Variants in PPP4R3B observed in about 807,000 individuals in gnomAD.
PPP4R3B encodes protein phosphatase 4 regulatory subunit 3B.
PPP4R3B carries 52 observed loss-of-function variants against 95.4 expected under a neutral mutation model. The ratio of observed to expected loss-of-function variants is 0.54; its 90% CI spans 0.44 to 0.69. PPP4R3B has a LOEUF of 0.69. Ranked by LOEUF, PPP4R3B falls within the 30% of genes least tolerant of loss-of-function variation. PPP4R3B has a pLI of 0.00. For synonymous variants in PPP4R3B, 407 were observed against 343.9 expected (o/e 1.18, Z -2.03); for missense variants, 1,003 against 1,005.9 (o/e 1.00, Z 0.04).
At chr2:55,600,951 G>A (rs1692507817) in intron 3 of PPP4R3B, among the ~76,000 whole-genome samples, 2 of 151,994 alleles carry the variant, frequency 1.3e-5, no homozygotes, top group African/African-American at 2.4e-5. Context: ...GAGCTCAGGA[G>A]TTCAAGACCA....
rs1403349605 is a variant in PPP4R3B, at chr2:55,564,456, G to A, written c.2117C>T (p.Ala706Val). The change falls in exon 15 of 17, where the codon GCA (alanine) becomes GTA (valine). Residue 706 changes from alanine (A) to valine (V), a missense_variant. Physicochemically the swap from Ala to Val is moderately conservative, Grantham distance 64 (BLOSUM62 0). Around this residue, in one of 3 missense-constraint regions of PPP4R3B, gnomAD observed 229 missense variants for 194.7 expected, o/e 1.18. Coordinates refer to ENST00000616407, the MANE Select transcript of PPP4R3B (RefSeq NM_001122964.3). ...TTCTTCATCCTCTTCCAAGGCTTTTGCATCTCTGCGAAATCTGTTACTACG... is the reference window on the plus strand; with the variant it reads ...TTCTTCATCCTCTTCCAAGGCTTTTACATCTCTGCGAAATCTGTTACTACG... ...ILRSNRFRRDAKALEEDEEMW... is the reference protein window; with the variant it reads ...ILRSNRFRRDVKALEEDEEMW... The A allele has an allele frequency of 2.5e-6, 4 of 1,612,078 alleles. No homozygotes were observed. Among genetic ancestry groups the A allele is most frequent in the African/African-American group, 2.7e-5 (2 of 74,746 alleles).
intron 16 of PPP4R3B, among the ~76,000 whole-genome samples, chr2:55,555,044 G>A (rs909856709): frequency 6.6e-6 from 1 of 152,154 alleles, no homozygotes; most frequent in African/African-American, 2.4e-5. Context: ...ACTTTGGGAG[G>A]CCGAGGCAGG....
At chr2:55,605,493 G>C (rs1474662091) in intron 2 of PPP4R3B, among the ~76,000 whole-genome samples, 1 of 152,136 alleles carries the variant, frequency 6.6e-6, no homozygotes, top group Non-Finnish European at 1.5e-5. Context: ...CTTATTTTCT[G>C]TGTAATCAGG....
chr2:55,615,935 C>G (rs551889908), intron 1 of PPP4R3B, among the ~76,000 whole-genome samples: 134 of 115,972 alleles, frequency 1.2e-3, no homozygotes, highest in African/African-American at 4.4e-3. Context: ...GTCTTTTTAC[C>G]GAGTTGGACA....
intron 2 of PPP4R3B, among the ~76,000 whole-genome samples, chr2:55,606,445 G>A (rs1693403253): frequency 6.6e-6 from 1 of 151,952 alleles, no homozygotes; most frequent in Non-Finnish European, 1.5e-5. Flanking sequence ...AGCATTTTGG[G>A]AGGCTAAGGC....
intron 2 of PPP4R3B, among the ~76,000 whole-genome samples, chr2:55,612,715 C>T (rs182915007): frequency 2.6e-5 from 4 of 152,044 alleles, no homozygotes; most frequent in African/African-American, 7.2e-5. Context: ...GGGGCCGAGG[C>T]GGGCGGATCA....
At chr2:55,589,302 A>G (rs1018657520) in intron 4 of PPP4R3B, among the ~76,000 whole-genome samples, 4 of 151,858 alleles carry the variant, frequency 2.6e-5, no homozygotes, top group Admixed American at 6.6e-5. Flanking sequence ...CATAATTCAA[A>G]CAAGCCTAAG....
At chr2:55,591,281 C>A (rs1055290196) in intron 4 of PPP4R3B, among the ~76,000 whole-genome samples, 5 of 151,660 alleles carry the variant, frequency 3.3e-5, no homozygotes, top group African/African-American at 1.2e-4. Context: ...AGACTGCGGG[C>A]ACGTGCCACC....
chr2:55,605,023 G>A (rs780023366), intron 2 of PPP4R3B, among the ~76,000 whole-genome samples: 1 of 151,922 alleles, frequency 6.6e-6, no homozygotes, highest in Non-Finnish European at 1.5e-5. Context: ...TAGAGACAGG[G>A]TTTCACCATT....
rs1033475627 is a variant in PPP4R3B at position 55,589,946 on chromosome 2, A to T, written c.922-990T>A. Among the ~76,000 whole-genome samples, 9 of 135,452 alleles carry T rather than the reference A, an allele frequency of 6.6e-5. No individual in the cohort carries two copies. The South Asian group carries it at 1.0e-3, about 15-fold the overall frequency. The allele number at this position is 135,452 out of a possible 152,430, so 88.9% of individuals were successfully genotyped here. On this transcript the variant is annotated intron_variant, in intron 4 of 16. Coordinates refer to ENST00000616407, the MANE Select transcript of PPP4R3B (RefSeq NM_001122964.3). ...AAAAAAAAATTATATATATATAAAA[A>T]ATATATATAATTATATATATATTTA...
At chr2:55,573,880 TTCC>T (rs893248780) in intron 11 of PPP4R3B, 103 bp from the exon 12 acceptor site, 35 of 594,620 alleles carry the variant, frequency 5.9e-5, no homozygotes, top group Middle Eastern at 5.5e-4. Context: ...TAAACTGTAT[TTCC>T]TCCTTTTTTT....
intron 9 of PPP4R3B, among the ~76,000 whole-genome samples, chr2:55,578,860 A>G (rs1279222722): frequency 6.6e-6 from 1 of 152,094 alleles, no homozygotes; most frequent in East Asian, 1.9e-4. Context: ...TATGCCCCAC[A>G]TATTTCTGAT....
chr2:55,598,566 A>G lies in PPP4R3B; in HGVS notation c.771T>C (p.Ser257=), dbSNP rs1262466548. Reference sequence around the variant, plus strand: ...TCTGATGTATTTTTTGCCTTAGTTCAGAGTCTGTTATTGGTATAACTTCCT... The same window carrying G: ...TCTGATGTATTTTTTGCCTTAGTTCGGAGTCTGTTATTGGTATAACTTCCT... ...KFKEVIPITD[S]ELRQKIHQTY... is the part of the protein sequence containing the mutation. Residue 257 remains serine, a synonymous_variant, in exon 4 of 17, where the codon TCT becomes TCC. Transcript: ENST00000616407. 1 of 1,614,098 alleles carries G rather than the reference A, an allele frequency of 6.2e-7. No homozygotes were observed. Among genetic ancestry groups the G allele is most frequent in the African/African-American group, 1.3e-5 (1 of 74,936 alleles).
intron 2 of PPP4R3B, among the ~76,000 whole-genome samples, chr2:55,609,004 A>C (rs889533539): frequency 2.6e-5 from 4 of 152,088 alleles, no homozygotes; most frequent in African/African-American, 9.7e-5. Flanking sequence ...AAAAAATTCC[A>C]AACGAAAAGA....
At chr2:55,559,392 C>G (rs190040191) in intron 15 of PPP4R3B, among the ~76,000 whole-genome samples, 82 of 152,184 alleles carry the variant, frequency 5.4e-4, no homozygotes, top group African/African-American at 1.9e-3. Flanking sequence ...AAATTAATTG[C>G]CTTTGTTTCC....
intron 16 of PPP4R3B, among the ~76,000 whole-genome samples, chr2:55,556,588 G>A (rs1371323488): frequency 1.3e-5 from 2 of 149,890 alleles, no homozygotes; most frequent in African/African-American, 4.9e-5. Context: ...TTGCCTTTTG[G>A]TAATATTTGA....
At chr2:55,579,476 C>T (rs145688736) in intron 9 of PPP4R3B, among the ~76,000 whole-genome samples, 13 of 151,032 alleles carry the variant, frequency 8.6e-5, no homozygotes, top group African/African-American at 2.4e-4. Flanking sequence ...AAATGGCCCC[C>T]GAAAGAATAG....
intron 16 of PPP4R3B, among the ~76,000 whole-genome samples, chr2:55,553,705 T>C (rs1262249484): frequency 6.6e-6 from 1 of 151,878 alleles, no homozygotes; most frequent in Non-Finnish European, 1.5e-5. Flanking sequence ...AATCATACAA[T>C]ATGTGGTCTT....
chr2:55,581,646 G>A lies in PPP4R3B; in HGVS notation c.1286C>T (p.Pro429Leu). 6.2e-7 allele frequency: 1 copy of A among 1,613,420 alleles called. No individual in the cohort carries two copies. Among genetic ancestry groups the A allele is most frequent in the Non-Finnish European group, 8.5e-7 (1 of 1,179,648 alleles). The change falls in exon 8 of 17, where the codon CCT becomes CTT. Residue 429 changes from proline (P) to leucine (L), a missense_variant. Transcript: ENST00000616407. ...TAACTGAACAGCGCCTCCTAGCTCA[G>A]GATCAGTATCACAGATCATTTGTTC... ...VIEQMICDTD[P>L]ELGGAVQLMG...
Sources: gnomAD v4.1 joint callset for allele counts (sites outside exome capture counted in the v4.1 genomes callset) on GRCh38, gnomAD v4.1.1 for gene constraint, gnomAD v4.1.1 regional missense constraint, MANE v1.5 for transcripts, NCBI Gene and HGNC (gene_info 2026-07-23, HGNC 2026-07-21) for gene names.